SLC25A17: variants seen among roughly 807,000 people sequenced by gnomAD.
The protein encoded by SLC25A17 is solute carrier family 25 member 17.
A neutral mutation model predicts 38.5 loss-of-function variants in SLC25A17; 26 were observed. The ratio of observed to expected loss-of-function variants is 0.68; its 90% CI spans 0.50 to 0.94. The LOEUF is 0.94. Ranked by LOEUF, SLC25A17 falls within the 40% of genes least tolerant of loss-of-function variation. The probability of loss-of-function intolerance (pLI) is 0.00; values close to 1 mark genes in which losing one functional copy is unlikely to be tolerated. For synonymous variants in SLC25A17, 139 were observed against 136.2 expected (o/e 1.02, Z -0.14); for missense variants, 333 against 372.7 (o/e 0.89, Z 0.88).
intron 1 of SLC25A17, among the ~76,000 whole-genome samples, chr22:40,818,082 T>TG (rs2057660187): frequency 6.6e-6 from 1 of 152,196 alleles, no homozygotes; most frequent in African/African-American, 2.4e-5. Context: ...TAACAAATGA[T>TG]GGAGTTAGGG....
chr22:40,805,290 T>C (rs1602622370), intron 1 of SLC25A17, among the ~76,000 whole-genome samples: 1 of 152,152 alleles, frequency 6.6e-6, no homozygotes, highest in Non-Finnish European at 1.5e-5. Flanking sequence ...GAACCAGAGG[T>C]TGCAGTGAGC....
chr22:40,778,860 G>C, intron 5 of SLC25A17, 149 bp downstream of exon 5: 1 of 657,844 alleles, frequency 1.5e-6, no homozygotes, highest in Non-Finnish European at 2.6e-6. Flanking sequence ...AATCAACAAA[G>C]AACTTAAACA....
chr22:40,792,519 T>C lies in SLC25A17; in HGVS notation c.334+6A>G, dbSNP rs775195076. 69 of 1,596,776 alleles carry C rather than the reference T, an allele frequency of 4.3e-5. No individual in the cohort carries two copies. The highest frequency in any genetic ancestry group is 5.5e-5 in the Non-Finnish European group (65 of 1,171,382). On this transcript the variant is annotated splice_donor_region_variant and intron_variant, in intron 4 of 8. Coordinates refer to ENST00000435456, the MANE Select transcript of SLC25A17 (RefSeq NM_006358.4). ...AAAACATTTTATACCCAGAAAACCT[T>C]GTTACCTGCAACAAACCCAACTACC...
At chr22:40,798,416 G>A (rs1261452849) in intron 2 of SLC25A17, 1 of 152,052 alleles carries the variant, frequency 6.6e-6, no homozygotes, top group Non-Finnish European at 1.5e-5. Context: ...GATCACTGAT[G>A]GGCAGAAAAA....
intron 3 of SLC25A17, among the ~76,000 whole-genome samples, chr22:40,793,398 T>C (rs563200074): frequency 4.6e-5 from 7 of 152,316 alleles, no homozygotes; most frequent in African/African-American, 1.4e-4. Flanking sequence ...AGACTGCTTA[T>C]AGTTGCAAGG....
intron 1 of SLC25A17, among the ~76,000 whole-genome samples, chr22:40,803,829 T>G (rs1602620629): frequency 6.6e-6 from 1 of 151,938 alleles, no homozygotes; most frequent in Non-Finnish European, 1.5e-5. Flanking sequence ...TGTTTTTTTT[T>G]TTTTTTTAAT....
At chr22:40,802,329 T>TAC (rs1398764674) in intron 1 of SLC25A17, among the ~76,000 whole-genome samples, 1 of 152,124 alleles carries the variant, frequency 6.6e-6, no homozygotes, top group Non-Finnish European at 1.5e-5. Context: ...GGTCTATTAC[T>TAC]ACCTCAAGAA....
intron 2 of SLC25A17, 74 bp downstream of exon 2, chr22:40,798,949 A>C (rs939773703): frequency 9.5e-6 from 11 of 1,153,534 alleles, no homozygotes; most frequent in Non-Finnish European, 1.4e-5. Context: ...GTCTCAAAAA[A>C]AAAAAAAAAG....
At chr22:40,817,067 A>G (rs2057648706) in intron 1 of SLC25A17, 1 of 152,334 alleles carries the variant, frequency 6.6e-6, no homozygotes, top group South Asian at 2.1e-4. Context: ...GAAGAGAAAA[A>G]CATTTCCCAT....
At chr22:40,787,530 A>T (rs1400416091) in intron 4 of SLC25A17, among the ~76,000 whole-genome samples, 2 of 152,198 alleles carry the variant, frequency 1.3e-5, no homozygotes, top group Non-Finnish European at 2.9e-5. Context: ...TTTGTATCAC[A>T]GCAGATAAGA....
At chr22:40,801,167 A>ATATGTG (rs1306844315) in intron 1 of SLC25A17, among the ~76,000 whole-genome samples, 1 of 125,720 alleles carries the variant, frequency 8.0e-6, no homozygotes, top group Non-Finnish European at 1.7e-5. Context: ...ATATATATAT[A>ATATGTG]TGTAAATGAT....
chr22:40,805,570 A>C (rs73172881), intron 1 of SLC25A17, among the ~76,000 whole-genome samples: 22,199 of 152,184 alleles, frequency 0.15, 1,711 homozygotes, highest in East Asian at 0.19. Context: ...TACTGGAAGA[A>C]GAAGAATTGT....
intron 4 of SLC25A17, among the ~76,000 whole-genome samples, chr22:40,790,788 G>A (rs1256926074): frequency 1.3e-5 from 2 of 152,162 alleles, no homozygotes; most frequent in African/African-American, 2.4e-5. Flanking sequence ...GTCCCTGTAA[G>A]TTATAATCTT....
chr22:40,819,090 C>A lies in SLC25A17; in HGVS notation c.54+105G>T. ...CCACAGTCATGACAGTGGACCCCAA[C>A]CCACACTACCTCCCTCTCAGACCCA... On this transcript the variant is annotated intron_variant, in intron 1 of 8. Transcript: ENST00000435456. The A allele has an allele frequency of 9.6e-6, 12 of 1,245,654 alleles. No homozygotes were observed. The South Asian group carries it at 1.5e-4, about 16-fold the overall frequency. The allele number at this position is 1,245,654 out of a possible 1,614,324, so 77.2% of individuals were successfully genotyped here. A position where few individuals can be genotyped will look rare whatever the true frequency, so the allele number is the denominator to read the frequency against.
chr22:40,812,380 G>A (rs1451821246), intron 1 of SLC25A17, among the ~76,000 whole-genome samples: 2 of 152,166 alleles, frequency 1.3e-5, no homozygotes, highest in African/African-American at 4.8e-5. Context: ...GAAACACTGG[G>A]TAAATCTGGT....
intron 1 of SLC25A17, among the ~76,000 whole-genome samples, chr22:40,812,415 G>C (rs1312317584): frequency 2.6e-5 from 4 of 152,184 alleles, no homozygotes; most frequent in Non-Finnish European, 5.9e-5. Context: ...CCCAGCGTGT[G>C]CAATCTTATG....
In SLC25A17 at chr22:40,770,746, G is replaced by A; in HGVS notation, c.*88C>T. The A allele has an allele frequency of 7.2e-7, 1 of 1,380,142 alleles. No homozygotes were observed. 85.5% of individuals were successfully genotyped at this position (1,380,142 alleles called of 1,614,324 possible). A position where few individuals can be genotyped will look rare whatever the true frequency, so the allele number is the denominator to read the frequency against. On this transcript the variant is annotated 3_prime_UTR_variant, in exon 9 of 9. Transcript: ENST00000435456. ...ATGAGGGTAACATTTGTGGTGGCAG[G>A]AGCCAGAGTCAAGGGAGAATCACTT...
rs766535293 is a variant in SLC25A17 at position 40,792,579 on chromosome 22, C to T, written c.280G>A (p.Val94Ile). 2 of 1,613,986 alleles carry T rather than the reference C, an allele frequency of 1.2e-6. No homozygotes were observed. Among genetic ancestry groups the T allele is most frequent in the Non-Finnish European group, 1.7e-6 (2 of 1,179,948 alleles). ...YTFNSLKALW[V>I]KGQHSTTGKD... is the part of the protein sequence containing the mutation. ...CCAGTGGTAGAATGTTGACCTTTGA[C>T]CCAGAGTGCTTTGAGGCTATTAAAA... is the stretch of plus-strand genomic sequence containing the variant. The change falls in exon 4 of 9, where the codon GTC (valine) becomes ATC (isoleucine). Residue 94 changes from valine (V) to isoleucine (I), a missense_variant. By Grantham distance (29) the Val-to-Ile change is conservative. Transcript: ENST00000435456.
intron 8 of SLC25A17, among the ~76,000 whole-genome samples, chr22:40,773,258 A>C (rs2057203683): frequency 6.6e-6 from 1 of 151,950 alleles, no homozygotes; most frequent in East Asian, 1.9e-4. Context: ...AAAATACAAA[A>C]AATGAGCCAG....
Sources: allele counts gnomAD v4.1 joint callset (sites outside exome capture counted in the v4.1 genomes callset), GRCh38; gene constraint gnomAD v4.1.1; transcripts MANE v1.5; gene names NCBI Gene and HGNC (gene_info 2026-07-23, HGNC 2026-07-21).